ARID4B: variants seen among roughly 807,000 people sequenced by gnomAD.
ARID4B encodes AT-rich interactive domain-containing protein 4B.
A neutral mutation model predicts 147.5 loss-of-function variants in ARID4B; 26 were observed. The ratio of observed to expected loss-of-function variants is 0.18; its 90% confidence interval spans 0.13 to 0.24. The LOEUF (loss-of-function observed/expected upper bound fraction) is 0.24, where lower values mean the gene tolerates loss of function less well. Ranked by LOEUF, ARID4B falls within the 10% of genes least tolerant of loss-of-function variation. The pLI is 1.00. For missense variants in ARID4B, 1,179 were observed against 1,511.5 expected (o/e 0.78, Z 3.65); for synonymous variants, 512 against 507.9 (o/e 1.01, Z -0.11).
chr1:235,294,293 G>T, intron 2 of ARID4B, among the ~76,000 whole-genome samples: 1 of 144,518 alleles, frequency 6.9e-6, no homozygotes, highest in East Asian at 2.0e-4. Context: ...GCAGAATAAT[G>T]ATATGCAAAC....
chr1:235,262,969 T>A (rs937495976), intron 2 of ARID4B, among the ~76,000 whole-genome samples: 20 of 152,338 alleles, frequency 1.3e-4, no homozygotes, highest in Middle Eastern at 6.8e-3. Context: ...AAATTTTTTT[T>A]AAATGTTTTA....
At chr1:235,229,505 T>G (rs1353840182) in intron 10 of ARID4B, 120 bp from the exon 11 acceptor site, 2 of 710,540 alleles carry the variant, frequency 2.8e-6, no homozygotes, top group Non-Finnish European at 2.3e-6. Context: ...ATTTATTGTT[T>G]GCTATGTACC....
intron 19 of ARID4B, among the ~76,000 whole-genome samples, chr1:235,185,962 CTTTAG>C (rs1664645431): frequency 6.9e-6 from 1 of 144,080 alleles, no homozygotes; most frequent in Non-Finnish European, 1.5e-5. Flanking sequence ...TGGAATTTTT[CTTTAG>C]TTATTTGCTT....
At chr1:235,190,542 G>A (rs538099466) in intron 19 of ARID4B, among the ~76,000 whole-genome samples, 1 of 151,670 alleles carries the variant, frequency 6.6e-6, no homozygotes, top group Non-Finnish European at 1.5e-5. Context: ...AATTGGAAGA[G>A]CTCTGGACTT....
At chr1:235,325,324 T>C (rs557312499) in intron 2 of ARID4B, among the ~76,000 whole-genome samples, 66 of 151,636 alleles carry the variant, frequency 4.4e-4, no homozygotes, top group African/African-American at 5.3e-4. Flanking sequence ...CTTTTAAGGC[T>C]AAAGTTTCCA....
At chr1:235,300,084 T>C (rs1452280244) in intron 2 of ARID4B, among the ~76,000 whole-genome samples, 1 of 152,166 alleles carries the variant, frequency 6.6e-6, no homozygotes, top group East Asian at 1.9e-4. Flanking sequence ...TGCTTTTTCA[T>C]TCTATCCAGC....
chr1:235,225,052 GGTTTTGTTTT>G (rs200173989), intron 11 of ARID4B, among the ~76,000 whole-genome samples: 1 of 124,568 alleles, frequency 8.0e-6, no homozygotes, highest in Non-Finnish European at 1.8e-5. Flanking sequence ...GACTGTTCGT[GGTTTTGTTTT>G]GTTTTGTTTT....
chr1:235,246,643 G>C, intron 6 of ARID4B, 132 bp from the exon 7 acceptor site: 1 of 592,486 alleles, frequency 1.7e-6, no homozygotes, highest in Non-Finnish European at 3.0e-6. Flanking sequence ...CTAAAACACA[G>C]CTTTCCTAAA....
Position 235,247,898 on chromosome 1 carries a change from G to A in ARID4B, c.355-1387C>T, listed in dbSNP as rs187249304. 6.3e-3 allele frequency among the ~76,000 whole-genome samples: 954 copies of A among 152,216 alleles called. 14 individuals carry two copies. The highest frequency in any genetic ancestry group is 0.022 in the African/African-American group (907 of 41,522). Reference sequence around the variant, plus strand: ...AGCTACTCGGGAGGCTGAGGCAGGAGAATCGCTTGAACCCGGCAGGCAGAG... The same window carrying A: ...AGCTACTCGGGAGGCTGAGGCAGGAAAATCGCTTGAACCCGGCAGGCAGAG... On this transcript the variant is annotated intron_variant, in intron 6 of 23. Coordinates refer to ENST00000264183, the MANE Select transcript of ARID4B (RefSeq NM_016374.6).
chr1:235,314,813 T>C (rs1215430486), intron 2 of ARID4B, among the ~76,000 whole-genome samples: 1 of 152,174 alleles, frequency 6.6e-6, no homozygotes, highest in Non-Finnish European at 1.5e-5. Context: ...TTTCGGTATA[T>C]ACATTATTTT....
intron 2 of ARID4B, among the ~76,000 whole-genome samples, chr1:235,265,853 G>A (rs1377551820): frequency 2.0e-5 from 3 of 151,914 alleles, no homozygotes; most frequent in South Asian, 2.1e-4. Context: ...GGAGTAAGAC[G>A]GTGCACACAA....
rs187389749 is a variant in ARID4B at position 235,307,404 on chromosome 1, C to T, written c.6+19510G>A. On this transcript the variant is annotated intron_variant, in intron 2 of 23. Coordinates refer to ENST00000264183, the MANE Select transcript of ARID4B (RefSeq NM_016374.6). Reference sequence around the variant, plus strand: ...CGGCTACAGTGAATTATGATCACACCGCTAAATTCCAGTCTAAGTGACAGA... The same window carrying T: ...CGGCTACAGTGAATTATGATCACACTGCTAAATTCCAGTCTAAGTGACAGA... Among the ~76,000 whole-genome samples the T allele has an allele frequency of 4.6e-5, 7 of 152,170 alleles. No homozygotes were observed. In the East Asian group the frequency reaches 9.6e-4, roughly 21 times the overall value.
At chr1:235,255,557 T>C (rs1669932238) in intron 5 of ARID4B, 103 bp downstream of exon 5, 4 of 680,276 alleles carry the variant, frequency 5.9e-6, no homozygotes, top group African/African-American at 1.8e-5. Flanking sequence ...AGTAATAATA[T>C]CTAGGGTATT....
intron 2 of ARID4B, among the ~76,000 whole-genome samples, chr1:235,267,489 G>T (rs139501804): frequency 1.7e-4 from 26 of 152,204 alleles, no homozygotes; most frequent in African/African-American, 6.3e-4. Context: ...AGCTTAAAAT[G>T]CACAATTTGG....
chr1:235,220,462 T>C lies in ARID4B; in HGVS notation c.1247A>G (p.Gln416Arg). 6.2e-7 allele frequency: 1 copy of C among 1,612,990 alleles called. No individual in the cohort carries two copies. Among genetic ancestry groups the C allele is most frequent in the Non-Finnish European group, 8.5e-7 (1 of 1,179,252 alleles). ...MALPEKVVNK[Q>R]CKECENVKEI... ...TTTTACATTTTCACACTCCTTACATTGCTTGTTAACAACTTTCTCTGGCAA... is the reference window on the plus strand; with the variant it reads ...TTTTACATTTTCACACTCCTTACATCGCTTGTTAACAACTTTCTCTGGCAA... Residue 416 changes from glutamine to arginine, a missense_variant, in exon 15 of 24, where the codon CAA (glutamine) becomes CGA (arginine). Coordinates refer to ENST00000264183, the MANE Select transcript of ARID4B (RefSeq NM_016374.6).
intron 10 of ARID4B, among the ~76,000 whole-genome samples, chr1:235,230,055 A>G (rs1185987266): frequency 6.6e-6 from 1 of 152,230 alleles, no homozygotes; most frequent in African/African-American, 2.4e-5. Flanking sequence ...ATATTCCTCA[A>G]ATAAAACTAC....
At chr1:235,244,875 G>A (rs1357120801) in intron 7 of ARID4B, among the ~76,000 whole-genome samples, 2 of 152,106 alleles carry the variant, frequency 1.3e-5, no homozygotes, top group Non-Finnish European at 2.9e-5. Context: ...TTGAAGAAAG[G>A]GGAGAAAGAA....
intron 2 of ARID4B, chr1:235,296,478 CTCT>C (rs1171539179): frequency 2.6e-5 from 3 of 116,342 alleles, no homozygotes; most frequent in African/African-American, 9.5e-5. Flanking sequence ...ATTTATTCTT[CTCT>C]TTTTTTTTGA....
At chr1:235,225,078 T>TTTTG (rs1558221171) in intron 11 of ARID4B, among the ~76,000 whole-genome samples, 82 of 148,704 alleles carry the variant, frequency 5.5e-4, no homozygotes, top group African/African-American at 1.6e-3. Context: ...GTTTTGTTTT[T>TTTTG]TTTACCATAT....
Sources: allele counts gnomAD v4.1 joint callset (sites outside exome capture counted in the v4.1 genomes callset), GRCh38; gene constraint gnomAD v4.1.1; transcripts MANE v1.5; gene names NCBI Gene and HGNC (gene_info 2026-07-23, HGNC 2026-07-21).